The following KRT14 variants were observed in gnomAD, a reference collection of about 807,000 sequenced individuals.
KRT14 encodes keratin, type I cytoskeletal 14.
In KRT14, 30 loss-of-function variants were observed where a neutral mutation model predicts 44.5. The ratio of observed to expected loss-of-function variants is 0.67; its 90% CI spans 0.50 to 0.92. The LOEUF (loss-of-function observed/expected upper bound fraction) is 0.92. Among genes scored for constraint, KRT14 ranks in the 40% least tolerant of loss-of-function variants. KRT14 has a pLI of 0.00. For missense variants in KRT14, 535 were observed against 640.6 expected, an observed-to-expected ratio of 0.84 and a Z score of 1.78; for synonymous variants, 241 against 257.6, an observed-to-expected ratio of 0.94 and a Z score of 0.62.
rs374429058 is a variant in KRT14 at position 41,586,696 on chromosome 17, C to T, written c.139G>A (p.Gly47Arg). 7.0e-5 allele frequency: 112 copies of T among 1,594,110 alleles called. No homozygotes were observed. Among genetic ancestry groups the T allele is most frequent in the Admixed American group, 3.5e-5 (2 of 56,468 alleles). ...GAGGATGAGACAGACAGGCCGCCCC[C>T]GTAGGTGCTGGGGGCGCGGCAGGAC... ...GGSCRAPSTY[G>R]GGLSVSSSRF... The change falls in exon 1 of 8, where the codon GGG (glycine) becomes AGG (arginine). Residue 47 changes from glycine (G) to arginine (R), a missense_variant. Physicochemically the swap from Gly to Arg is moderately radical, Grantham distance 125. Coordinates refer to ENST00000167586, the MANE Select transcript of KRT14 (RefSeq NM_000526.5).
chr17:41,586,760 C>G lies in KRT14; in HGVS notation c.75G>C (p.Gly25=). 1.3e-6 allele frequency: 2 copies of G among 1,580,822 alleles called. No individual in the cohort carries two copies. Among genetic ancestry groups the G allele is most frequent in the Non-Finnish European group, 1.7e-6 (2 of 1,166,202 alleles). The stretch of plus-strand genomic sequence containing the variant: ...CGGAGGAGATGCGGCTGGAGCCGCC[C>G]CCGATGCCGCCCCCGATGCCGCAGG... ...KGSCGIGGGI[G]GGSSRISSVL... is the part of the protein sequence containing the mutation. The change falls in exon 1 of 8, where the codon GGG becomes GGC. Residue 25 remains glycine (G), a synonymous_variant. Transcript: ENST00000167586.
At chr17:41,584,455 A>G (rs1372805778) in intron 2 of KRT14, 42 bp from the exon 3 acceptor site, 1 of 1,610,792 alleles carries the variant, frequency 6.2e-7, no homozygotes, top group Admixed American at 1.7e-5. Context: ...ACCCATCCTG[A>G]TCACAGCGAG....
In KRT14 at chr17:41,584,423, C is replaced by T. The variant is rs369951442; in HGVS notation, c.609-10G>A. 9 of 1,613,792 alleles carry T rather than the reference C, an allele frequency of 5.6e-6. No individual in the cohort carries two copies. In the African/African-American group the frequency reaches 9.3e-5, roughly 17 times the overall value. On this transcript the variant is annotated splice_polypyrimidine_tract_variant and intron_variant, in intron 2 of 7. Transcript: ENST00000167586. ...CAACTCTGTCTCATACCTGGAATGA[C>T]CCCAGAGAAAAGGTATGAGACACCC...
rs1037031847 is a variant in KRT14, at chr17:41,584,525, G to GGAGC, written c.609-116_609-113dup. On this transcript the variant is annotated intron_variant, in intron 2 of 7. Transcript: ENST00000167586. ...AGCTGGTGCCTTGTGGGTGGTTTAA[G>GGAGC]GAGCCAATCTTGAAAATGGCGTGGT... 5.1e-5 allele frequency: 61 copies of GGAGC among 1,186,764 alleles called. No individual in the cohort carries two copies. In the African/African-American group the frequency reaches 8.7e-4, roughly 17 times the overall value. The allele number at this position is 1,186,764 out of a possible 1,614,324, so 73.5% of individuals were successfully genotyped here. A position where few individuals can be genotyped will look rare whatever the true frequency, so the allele number is the denominator to read the frequency against.
chr17:41,584,050 AATCTCTCTCTCT>A (rs1907438039), intron 3 of KRT14, 129 bp from the exon 4 acceptor site: 1 of 722,078 alleles, frequency 1.4e-6, no homozygotes, highest in Non-Finnish European at 2.2e-6. Context: ...TCTCTCTCTC[AATCTCTCTCTCT>A]CTCTCTCTTT....
intron 2 of KRT14, 176 bp from the exon 3 acceptor site, chr17:41,584,589 C>T: frequency 1.5e-6 from 1 of 688,294 alleles, no homozygotes; most frequent in South Asian, 1.7e-5. Context: ...TATGAACATT[C>T]CTGCGGGCTG....
rs1907428446 is a variant in KRT14 at position 41,583,899 on chromosome 17, T to C, written c.788A>G (p.Gln263Arg). ...HEEEMNALRG[Q>R]VGGDVNVEMD... ...CTCCACATTGACATCTCCACCCACCTGGCCTCTCAGGGCATTCATCTCCTG... is the reference window on the plus strand; with the variant it reads ...CTCCACATTGACATCTCCACCCACCCGGCCTCTCAGGGCATTCATCTCCTG... The change falls in exon 4 of 8, where the codon CAG becomes CGG. Residue 263 changes from glutamine (Q) to arginine (R), a missense_variant. Physicochemically the swap from Gln to Arg is conservative, Grantham distance 43. Coordinates refer to ENST00000167586, the MANE Select transcript of KRT14 (RefSeq NM_000526.5). 1 of 1,613,960 alleles carries C rather than the reference T, an allele frequency of 6.2e-7. No homozygotes were observed. The highest frequency in any genetic ancestry group is 1.3e-5 in the African/African-American group (1 of 74,996).
rs58393329 is a variant in KRT14 at position 41,583,323 on chromosome 17, G to A, written c.1186C>T (p.Gln396Ter). ...QLRCEMEQQN[Q>*]EYKILLDVKT... ...ACGTCCAGCAGGATCTTGTACTCCT[G>A]GTTCTGCTGCTCCATCTCGCAGCGG... Residue 396 changes from glutamine (Q) to a stop codon, truncating the protein, a stop_gained, in exon 6 of 8, where the codon CAG becomes TAG. Coordinates refer to ENST00000167586, the MANE Select transcript of KRT14 (RefSeq NM_000526.5). LOFTEE classifies it high-confidence loss of function. 2 of 1,613,748 alleles carry A rather than the reference G, an allele frequency of 1.2e-6. No individual in the cohort carries two copies.
intron 1 of KRT14, 84 bp downstream of exon 1, chr17:41,586,226 T>C: frequency 6.4e-7 from 1 of 1,560,178 alleles, no homozygotes; most frequent in Non-Finnish European, 8.8e-7. Flanking sequence ...TATAGAGAAA[T>C]CTTAAGGTCT....
At chr17:41,584,004 C>A (rs1284502786) in intron 3 of KRT14, 83 bp from the exon 4 acceptor site, 2 of 1,438,380 alleles carry the variant, frequency 1.4e-6, no homozygotes, top group Non-Finnish European at 2.0e-6. Flanking sequence ...ACTGCCCTCC[C>A]ACCATCACAA....
rs1168751694 is a variant in KRT14 at position 41,584,364 on chromosome 17, C to T, written c.658G>A (p.Gly220Ser). The T allele has an allele frequency of 1.9e-6, 3 of 1,613,982 alleles. No individual in the cohort carries two copies. In the South Asian group the frequency reaches 3.3e-5, roughly 18 times the overall value. The change falls in exon 3 of 8, where the codon GGC becomes AGC. Residue 220 changes from glycine to serine, a missense_variant. By Grantham distance (56) the Gly-to-Ser change is moderately conservative. Coordinates refer to ENST00000167586, the MANE Select transcript of KRT14 (RefSeq NM_000526.5). ...AGTTCGTCCAGCACCCTGCGCAGGC[C>T]ATTGATGTCGGCTTCCACACTCATG... ...LRMSVEADINGLRRVLDELTL... is the reference protein window; with the variant it reads ...LRMSVEADINSLRRVLDELTL...
Position 41,583,676 on chromosome 17 carries a change from T to G in KRT14, c.928A>C (p.Thr310Pro). Residue 310 changes from threonine (T) to proline (P), a missense_variant and splice_region_variant, in exon 5 of 8, where the codon ACA becomes CCA. Physicochemically the swap from Thr to Pro is conservative, Grantham distance 38 (BLOSUM62 -1). Coordinates refer to ENST00000167586, the MANE Select transcript of KRT14 (RefSeq NM_000526.5). ...KDAEEWFFTK[T>P]EELNREVATN... is the part of the protein sequence containing the mutation. ...GCCACCTCGCGGTTCAGCTCCTCTG[T>G]CTGCAAAAAAGAGAATGCCATTCAC... 3 of 1,614,180 alleles carry G rather than the reference T, an allele frequency of 1.9e-6. No individual in the cohort carries two copies. The highest frequency in any genetic ancestry group is 2.5e-6 in the Non-Finnish European group (3 of 1,180,020).
chr17:41,582,847 A>G (rs892947097), intron 7 of KRT14: 8 of 606,668 alleles, frequency 1.3e-5, no homozygotes, highest in Admixed American at 8.8e-5. Context: ...GGCCCTGTTC[A>G]TGGTGCTGAC....
At chr17:41,584,223 T>G in intron 3 of KRT14, 34 bp downstream of exon 3, 8 of 1,612,612 alleles carry the variant, frequency 5.0e-6, no homozygotes, top group Non-Finnish European at 6.8e-6. Context: ...CTCCCTGCAT[T>G]TCTTTTAAGC....
intron 3 of KRT14, 57 bp downstream of exon 3, chr17:41,584,200 C>G (rs1907447456): frequency 6.4e-7 from 1 of 1,570,392 alleles, no homozygotes; most frequent in African/African-American, 1.4e-5. Flanking sequence ...GGGCACGCAC[C>G]ACTGTACCCA....
In KRT14 at chr17:41,584,336, G is replaced by A. The variant is rs1436764481; in HGVS notation, c.686C>T (p.Thr229Ile). Residue 229 changes from threonine (T) to isoleucine (I), a missense_variant, in exon 3 of 8, where the codon ACC becomes ATC. Transcript: ENST00000167586. ...CATCTCCAGGTCAGCTCTGGCCAGG[G>A]TCAGTTCGTCCAGCACCCTGCGCAG... ...NGLRRVLDEL[T>I]LARADLEMQI... is the part of the protein sequence containing the mutation. 1 of 1,613,932 alleles carries A rather than the reference G, an allele frequency of 6.2e-7. No individual in the cohort carries two copies. The highest frequency in any genetic ancestry group is 1.1e-5 in the South Asian group (1 of 91,062).
At chr17:41,582,911 C>T in intron 7 of KRT14, 183 bp downstream of exon 7, 1 of 671,628 alleles carries the variant, frequency 1.5e-6, no homozygotes, top group Non-Finnish European at 2.7e-6. Flanking sequence ...GAGGTGGGGG[C>T]TGCCTCTCCT....
chr17:41,586,530 C>G lies in KRT14; in HGVS notation c.305G>C (p.Gly102Ala), dbSNP rs775062151. 9.3e-6 allele frequency: 15 copies of G among 1,613,960 alleles called. No homozygotes were observed. The highest frequency in any genetic ancestry group is 1.3e-5 in the Non-Finnish European group (15 of 1,179,874). Residue 102 changes from glycine (G) to alanine (A), a missense_variant, in exon 1 of 8, where the codon GGT (glycine) becomes GCT (alanine). Transcript: ENST00000167586. ...AAGCCCATCACCACCAGCAAAGCCA[C>G]CACCAAAGCCACCACCCAAGCCAGC... ...LGAGLGGGFG[G>A]GFAGGDGLLV... is the part of the protein sequence containing the mutation.
At chr17:41,583,198 A>T (rs766313803) in intron 6 of KRT14, 37 bp downstream of exon 6, 2 of 1,594,796 alleles carry the variant, frequency 1.3e-6, no homozygotes, top group Non-Finnish European at 8.6e-7. Context: ...TGAGAGTGCC[A>T]TGGGGGGGGC....
Sources: gnomAD v4.1 joint callset for allele counts on GRCh38, gnomAD v4.1.1 for gene constraint, MANE v1.5 for transcripts, NCBI Gene and HGNC (gene_info 2026-07-23, HGNC 2026-07-21) for gene names.